The following ADAMTSL1 variants were observed in gnomAD, a reference collection of about 807,000 sequenced individuals.
ADAMTSL1 encodes ADAMTS like 1.
In ADAMTSL1, 126 loss-of-function variants were observed where a neutral mutation model predicts 201.8. That is an observed-to-expected ratio of 0.62 (90% CI 0.54 to 0.72). The LOEUF is 0.72. Ranked by LOEUF, ADAMTSL1 falls within the 30% of genes least tolerant of loss-of-function variation. ADAMTSL1 has a pLI of 0.00. For synonymous variants in ADAMTSL1, 1,121 were observed against 903.4 expected, an observed-to-expected ratio of 1.24 and a Z score of -4.32; for missense variants, 2,679 against 2,277.8, an observed-to-expected ratio of 1.18 and a Z score of -3.59.
At chr9:18,273,344 G>A (rs991483337) in intron 2 of ADAMTSL1, among the ~76,000 whole-genome samples, 68 of 88,886 alleles carry the variant, frequency 7.7e-4, no homozygotes, top group African/African-American at 2.1e-3. Context: ...GCCTCTCAAA[G>A]TGCTGGGATT....
intron 21 of ADAMTSL1, among the ~76,000 whole-genome samples, chr9:18,820,562 C>T (rs1175138309): frequency 6.6e-6 from 1 of 152,192 alleles, no homozygotes; most frequent in Non-Finnish European, 1.5e-5. Flanking sequence ...TTGTCTGTGT[C>T]ATAAGCATAA....
At chr9:18,090,358 G>T (rs1274529802) in intron 1 of ADAMTSL1, among the ~76,000 whole-genome samples, 1 of 152,130 alleles carries the variant, frequency 6.6e-6, no homozygotes, top group East Asian at 1.9e-4. Context: ...CATGTCCACT[G>T]ACAGACCAAT....
chr9:18,314,782 CTTTTTT>C (rs776046209), intron 2 of ADAMTSL1, among the ~76,000 whole-genome samples: 37 of 49,824 alleles, frequency 7.4e-4, no homozygotes, highest in Admixed American at 2.5e-3. Context: ...CGGCAGCGTG[CTTTTTT>C]TTTTTTTTTT....
At chr9:18,891,787 G>A (rs941243058) in intron 25 of ADAMTSL1, among the ~76,000 whole-genome samples, 9 of 152,214 alleles carry the variant, frequency 5.9e-5, no homozygotes, top group African/African-American at 2.2e-4. Context: ...CAGGTCAGGA[G>A]GTGACACGAA....
chr9:18,731,720 A>G (rs1045194572), intron 15 of ADAMTSL1, among the ~76,000 whole-genome samples: 3 of 152,218 alleles, frequency 2.0e-5, no homozygotes, highest in African/African-American at 4.8e-5. Context: ...GGAAGTTTCC[A>G]ATCATAGTGG....
chr9:18,574,341 C>A, intron 4 of ADAMTSL1, 75 bp downstream of exon 4: 1 of 1,263,150 alleles, frequency 7.9e-7, no homozygotes, highest in East Asian at 2.3e-5. Context: ...TACATAGTCT[C>A]ACTCTCTGAA....
At chr9:18,904,832 C>T (rs538636485) in intron 26 of ADAMTSL1, among the ~76,000 whole-genome samples, 5 of 149,854 alleles carry the variant, frequency 3.3e-5, no homozygotes, top group African/African-American at 1.2e-4. Flanking sequence ...CAATAATTCG[C>T]CTTGGGCACA....
At chr9:18,828,314 A>C (rs190860566) in intron 22 of ADAMTSL1, among the ~76,000 whole-genome samples, 2 of 152,104 alleles carry the variant, frequency 1.3e-5, no homozygotes, top group African/African-American at 4.8e-5. Context: ...GGGGCCAACA[A>C]TTGGCCCAAA....
intron 4 of ADAMTSL1, among the ~76,000 whole-genome samples, chr9:18,581,532 A>G (rs1823090167): frequency 6.6e-6 from 1 of 152,164 alleles, no homozygotes; most frequent in Admixed American, 6.5e-5. Flanking sequence ...GTAACTCTAA[A>G]ATATTATCAA....
intron 7 of ADAMTSL1, among the ~76,000 whole-genome samples, chr9:18,646,025 A>G (rs1327189184): frequency 2.3e-4 from 35 of 152,242 alleles, no homozygotes; most frequent in African/African-American, 2.6e-4. Flanking sequence ...CCATGAGCAT[A>G]GAATGTTCTT....
chr9:18,667,182 C>T lies in ADAMTSL1; in HGVS notation c.1085+5109C>T, dbSNP rs138291513. ...AGCAAATGCCCAAACTTGTATACCC[C>T]CAAGCGGCAATTCTTGGCAAGTTTA... On this transcript the variant is annotated intron_variant, in intron 9 of 28. Coordinates refer to ENST00000380548, the MANE Select transcript of ADAMTSL1 (RefSeq NM_001040272.6). 5.6e-4 allele frequency among the ~76,000 whole-genome samples: 85 copies of T among 151,976 alleles called. 1 individual carries two copies. In the East Asian group the frequency reaches 8.1e-3, roughly 15 times the overall value.
chr9:18,098,027 G>A (rs1481625652), intron 1 of ADAMTSL1, among the ~76,000 whole-genome samples: 2 of 151,534 alleles, frequency 1.3e-5, no homozygotes, highest in East Asian at 1.9e-4. Flanking sequence ...TGGAGATCAA[G>A]GCTTATTTTT....
chr9:17,988,376 C>G (rs1216214809), intron 1 of ADAMTSL1, among the ~76,000 whole-genome samples: 1 of 151,956 alleles, frequency 6.6e-6, no homozygotes, highest in Non-Finnish European at 1.5e-5. Context: ...CAATTCTTTT[C>G]CACAATGAAT....
intron 2 of ADAMTSL1, among the ~76,000 whole-genome samples, chr9:18,187,413 A>T (rs1430874412): frequency 6.6e-6 from 1 of 152,200 alleles, no homozygotes; most frequent in Non-Finnish European, 1.5e-5. Context: ...CATTGGGACT[A>T]TTCAGTCTTT....
chr9:18,754,213 T>C (rs10733356), intron 16 of ADAMTSL1, among the ~76,000 whole-genome samples: 137,551 of 152,324 alleles, frequency 0.9, 62,151 homozygotes, highest in East Asian at 0.95. Flanking sequence ...ATCTAAAATA[T>C]GTGCTATCCC....
chr9:18,515,058 G>A (rs946656179), intron 2 of ADAMTSL1, among the ~76,000 whole-genome samples: 1 of 152,030 alleles, frequency 6.6e-6, no homozygotes, highest in Non-Finnish European at 1.5e-5. Context: ...TTCTGTTATG[G>A]AAGTAGTTCT....
In ADAMTSL1 at chr9:18,789,502, C is replaced by G. The variant is rs116600143; in HGVS notation, c.3678-5895C>G. 5.6e-3 allele frequency among the ~76,000 whole-genome samples: 858 copies of G among 152,302 alleles called. 3 individuals are homozygous for G. The highest frequency in any genetic ancestry group is 0.02 in the African/African-American group (822 of 41,564). ...ATATTGTGGATATGATCATTTTCAG[C>G]CCCGTTGCTTTGAAGGTAACCAAAT... is the stretch of plus-strand genomic sequence containing the variant. On this transcript the variant is annotated intron_variant, in intron 19 of 28. Transcript: ENST00000380548.
intron 15 of ADAMTSL1, among the ~76,000 whole-genome samples, chr9:18,738,580 G>A (rs1320916537): frequency 6.6e-6 from 1 of 152,168 alleles, no homozygotes; most frequent in Non-Finnish European, 1.5e-5. Context: ...GTAATCCAAT[G>A]TTCTTATTCA....
At position 18,909,801 on chromosome 9, in the gene ADAMTSL1, TGTA is replaced by T. The variant is rs1181004039; in HGVS notation, c.*1257_*1259del. 1 of 151,820 alleles carries T rather than the reference TGTA, an allele frequency of 6.6e-6. No individual in the cohort carries two copies. Among genetic ancestry groups the T allele is most frequent in the Admixed American group, 6.6e-5 (1 of 15,220 alleles). The allele number at this position is 151,820 out of a possible 1,614,324, so 9.4% of individuals were successfully genotyped here. A position where few individuals can be genotyped will look rare whatever the true frequency, so the allele number is the denominator to read the frequency against. Reference sequence around the variant, plus strand: ...CCCAGGGTCTGCAGGTCCTCCGGCATGTAGTATTTATCTAGCAAGGCGGGGTGG... The same window carrying T: ...CCCAGGGTCTGCAGGTCCTCCGGCATGTATTTATCTAGCAAGGCGGGGTGG... On this transcript the variant is annotated 3_prime_UTR_variant, in exon 29 of 29. Coordinates refer to ENST00000380548, the MANE Select transcript of ADAMTSL1 (RefSeq NM_001040272.6).
Sources: gnomAD v4.1 joint callset for allele counts (sites outside exome capture counted in the v4.1 genomes callset) on GRCh38, gnomAD v4.1.1 for gene constraint, MANE v1.5 for transcripts, NCBI Gene and HGNC (gene_info 2026-07-23, HGNC 2026-07-21) for gene names.